The following RAD54B variants were observed in gnomAD, a reference collection of about 807,000 sequenced individuals.
The protein encoded by RAD54B is DNA repair and recombination protein RAD54B.
Under a neutral mutation model 95.8 loss-of-function variants are expected in RAD54B, and 78 were observed. The ratio of observed to expected loss-of-function variants is 0.81; its 90% CI spans 0.68 to 0.98. RAD54B has a LOEUF of 0.98. Among genes scored for constraint, RAD54B ranks in the 50% least tolerant of loss-of-function variants. The probability of loss-of-function intolerance (pLI) is 0.00; values close to 1 mark genes in which losing one functional copy is unlikely to be tolerated. For synonymous variants in RAD54B, 328 were observed against 354.9 expected (o/e 0.92, Z 0.85); for missense variants, 957 against 1,056.6 (o/e 0.91, Z 1.31).
chr8:94,415,735 G>C (rs1476010154), intron 3 of RAD54B, among the ~76,000 whole-genome samples: 1 of 146,628 alleles, frequency 6.8e-6, no homozygotes, highest in Non-Finnish European at 1.5e-5. Flanking sequence ...CTCAAAAGAA[G>C]ACATTTATGC....
At chr8:94,455,945 T>G (rs780978454) in intron 3 of RAD54B, among the ~76,000 whole-genome samples, 1 of 152,188 alleles carries the variant, frequency 6.6e-6, no homozygotes, top group African/African-American at 2.4e-5. Context: ...TTCACATTCA[T>G]AGGTACCAAG....
intron 3 of RAD54B, among the ~76,000 whole-genome samples, chr8:94,445,224 T>C (rs964187343): frequency 3.3e-5 from 5 of 152,130 alleles, no homozygotes; most frequent in Admixed American, 2.6e-4. Context: ...CTTGGGCCTA[T>C]TTTAAAGGGT....
intron 1 of RAD54B, among the ~76,000 whole-genome samples, chr8:94,472,387 T>C (rs1285974490): frequency 4.6e-5 from 7 of 152,236 alleles, no homozygotes; most frequent in Non-Finnish European, 8.8e-5. Context: ...ATGTTAGGCC[T>C]TGCACTTAGA....
chr8:94,373,454 T>C (rs912412760), intron 14 of RAD54B, among the ~76,000 whole-genome samples: 3 of 152,156 alleles, frequency 2.0e-5, no homozygotes, highest in Admixed American at 2.0e-4. Flanking sequence ...ACTATAAACA[T>C]CCTTCAAACT....
chr8:94,389,846 T>C (rs77201975), intron 10 of RAD54B, among the ~76,000 whole-genome samples: 133 of 152,316 alleles, frequency 8.7e-4, no homozygotes, highest in Non-Finnish European at 1.6e-3. Context: ...ATGCCTATTA[T>C]TAGTGACTGC....
rs533226606 is a variant in RAD54B at position 94,392,626 on chromosome 8, T to C, written c.1519-727A>G. ...CGTTTTATTTTTTTGAAACAGAGTCTCACTCTGTCGCCCAGGGCTGGAGTG... is the reference window on the plus strand; with the variant it reads ...CGTTTTATTTTTTTGAAACAGAGTCCCACTCTGTCGCCCAGGGCTGGAGTG... On this transcript the variant is annotated intron_variant, in intron 9 of 14. Coordinates refer to ENST00000336148, the MANE Select transcript of RAD54B (RefSeq NM_012415.3). Among the ~76,000 whole-genome samples, 357 of 149,312 alleles carry C rather than the reference T, an allele frequency of 2.4e-3. 3 individuals are homozygous for C. The highest frequency in any genetic ancestry group is 4.3e-3 in the Non-Finnish European group (287 of 67,324).
chr8:94,465,080 T>C (rs1335639403), intron 2 of RAD54B, among the ~76,000 whole-genome samples: 2 of 151,736 alleles, frequency 1.3e-5, no homozygotes, highest in Non-Finnish European at 2.9e-5. Flanking sequence ...CACTTCAACA[T>C]GAGATTCTGA....
chr8:94,463,654 G>T (rs569889805), intron 2 of RAD54B, among the ~76,000 whole-genome samples: 29 of 151,690 alleles, frequency 1.9e-4, no homozygotes, highest in Non-Finnish European at 4.0e-4. Flanking sequence ...CTGAGGAGAG[G>T]ACTGCTTGAG....
intron 1 of RAD54B, among the ~76,000 whole-genome samples, 163 bp downstream of exon 1, chr8:94,474,838 C>T (rs1409941653): frequency 2.0e-5 from 3 of 152,246 alleles, no homozygotes; most frequent in Non-Finnish European, 2.9e-5. Flanking sequence ...GCGTCCCTGG[C>T]ACTTCAGACC....
chr8:94,428,070 A>C (rs1465600534), intron 3 of RAD54B: 26 of 950,086 alleles, frequency 2.7e-5, no homozygotes, highest in Non-Finnish European at 3.3e-5. Context: ...AATCACAGCT[A>C]GTTTAGAAAA....
chr8:94,461,936 T>C (rs1812915829), intron 2 of RAD54B, among the ~76,000 whole-genome samples: 1 of 152,226 alleles, frequency 6.6e-6, no homozygotes, highest in South Asian at 2.1e-4. Flanking sequence ...ATAACGTCTG[T>C]TATAGATTTT....
intron 3 of RAD54B, among the ~76,000 whole-genome samples, chr8:94,446,917 G>T (rs1238189029): frequency 6.6e-6 from 1 of 151,872 alleles, no homozygotes; most frequent in African/African-American, 2.4e-5. Context: ...GGACTCTGAA[G>T]GGGCACATAA....
At chr8:94,397,896 TC>T (rs903177780) in intron 8 of RAD54B, among the ~76,000 whole-genome samples, 1 of 152,086 alleles carries the variant, frequency 6.6e-6, no homozygotes, top group African/African-American at 2.4e-5. Flanking sequence ...ATTTTTTTTT[TC>T]ATTACTTTTC....
chr8:94,375,178 C>G (rs767889487), intron 14 of RAD54B, among the ~76,000 whole-genome samples: 1 of 152,080 alleles, frequency 6.6e-6, no homozygotes, highest in African/African-American at 2.4e-5. Flanking sequence ...AAAAATTTAC[C>G]TTATAGGTAT....
Position 94,391,929 on chromosome 8 carries a change from G to A in RAD54B, c.1519-30C>T, listed in dbSNP as rs1811033921. 1.9e-6 allele frequency: 3 copies of A among 1,551,794 alleles called. 1 individual carries two copies. Among genetic ancestry groups the A allele is most frequent in the Middle Eastern group, 3.7e-4 (2 of 5,436 alleles). ...GGAAAAATAGCAGACTTAAATGAAA[G>A]TGTTATAGACAAAAATACACTTAAA... On this transcript the variant is annotated intron_variant, in intron 9 of 14. Transcript: ENST00000336148.
intron 3 of RAD54B, chr8:94,431,572 A>G (rs1812095506): frequency 2.1e-6 from 2 of 938,702 alleles, no homozygotes; most frequent in African/African-American, 3.6e-5. Flanking sequence ...TACCCTAAGT[A>G]AGTCATTGAG....
intron 3 of RAD54B, chr8:94,427,943 T>A: frequency 1.1e-6 from 1 of 871,088 alleles, no homozygotes; most frequent in Non-Finnish European, 1.4e-6. Flanking sequence ...AAAAAAAAAA[T>A]GAAATAACAC....
At chr8:94,429,478 G>A in intron 3 of RAD54B, 2 of 982,138 alleles carry the variant, frequency 2.0e-6, no homozygotes, top group African/African-American at 1.7e-5. Context: ...CTGATTTGCT[G>A]TAAAAGCCAA....
In RAD54B at chr8:94,467,414, T is replaced by C. The variant is rs1563668043; in HGVS notation, c.126A>G (p.Lys42=). The change falls in exon 2 of 15, where the codon AAA becomes AAG. Residue 42 remains lysine, a synonymous_variant. Coordinates refer to ENST00000336148, the MANE Select transcript of RAD54B (RefSeq NM_012415.3). ...TCTTTTTTTGCCTTACCTCAAATAA[T>C]TTTATATCTGGATTCAGTTTTGTAA... ...EEITKLNPDI[K]LFEGVAINNT... 1.2e-6 allele frequency: 2 copies of C among 1,607,766 alleles called. No individual in the cohort carries two copies. The highest frequency in any genetic ancestry group is 1.7e-6 in the Non-Finnish European group (2 of 1,176,932).
Sources: gnomAD v4.1 joint callset for allele counts (sites outside exome capture counted in the v4.1 genomes callset) on GRCh38, gnomAD v4.1.1 for gene constraint, MANE v1.5 for transcripts, NCBI Gene and HGNC (gene_info 2026-07-23, HGNC 2026-07-21) for gene names.